STK3: variants seen among roughly 807,000 people sequenced by gnomAD.
The protein encoded by STK3 is serine/threonine-protein kinase 3.
STK3 carries 41 observed loss-of-function variants against 58.0 expected under a neutral mutation model. That is an observed-to-expected ratio of 0.71 (90% CI 0.55 to 0.92). The LOEUF is 0.92. STK3 is among the 40% of genes least tolerant of loss of function. The probability of loss-of-function intolerance (pLI) is 0.00; values close to 1 mark genes in which losing one functional copy is unlikely to be tolerated. For synonymous variants in STK3, 170 were observed against 191.0 expected (o/e 0.89, Z 0.91); for missense variants, 479 against 602.7 (o/e 0.79, Z 2.15).
chr8:98,906,416 T>TTGTTCAGTAGTAGTTCTG (rs1352410502), intron 1 of STK3: 2 of 152,276 alleles, frequency 1.3e-5, no homozygotes, highest in African/African-American at 4.8e-5. Flanking sequence ...TAGGACACGC[T>TTGTTCAGTAGTAGTTCTG]TGTTCAGTAG....
intron 6 of STK3, among the ~76,000 whole-genome samples, chr8:98,695,629 T>C (rs983704658): frequency 2.6e-5 from 4 of 152,248 alleles, no homozygotes; most frequent in African/African-American, 9.6e-5. Context: ...CTTGTTTTTC[T>C]CAGGTTTCTC....
chr8:98,730,732 A>G (rs944012089), intron 4 of STK3, among the ~76,000 whole-genome samples: 1 of 151,776 alleles, frequency 6.6e-6, no homozygotes, highest in Non-Finnish European at 1.5e-5. Flanking sequence ...AAAAAAAAAA[A>G]AAAAAACACC....
At chr8:98,734,786 T>G (rs1455136626) in intron 4 of STK3, among the ~76,000 whole-genome samples, 1 of 151,868 alleles carries the variant, frequency 6.6e-6, no homozygotes, top group South Asian at 2.1e-4. Flanking sequence ...ACCACAAATA[T>G]ACTAAAGTTT....
intron 6 of STK3, chr8:98,598,801 T>C (rs1045928790): frequency 3.0e-6 from 3 of 985,286 alleles, no homozygotes; most frequent in African/African-American, 1.7e-5. Flanking sequence ...TATCCTTGTG[T>C]TTGTTTCTAC....
intron 1 of STK3, among the ~76,000 whole-genome samples, chr8:98,924,139 C>A (rs191113769): frequency 6.6e-6 from 1 of 152,150 alleles, no homozygotes; most frequent in Admixed American, 6.5e-5. Flanking sequence ...CGTTTTTGTC[C>A]CTGAAAATTT....
At chr8:98,774,076 G>A (rs912139775) in intron 2 of STK3, among the ~76,000 whole-genome samples, 3 of 152,058 alleles carry the variant, frequency 2.0e-5, no homozygotes, top group Admixed American at 2.0e-4. Flanking sequence ...AATTACAGGC[G>A]TGAGCCACCG....
chr8:98,513,783 T>A (rs1824711717), intron 10 of STK3, among the ~76,000 whole-genome samples: 1 of 152,126 alleles, frequency 6.6e-6, no homozygotes, highest in African/African-American at 2.4e-5. Flanking sequence ...ATGGCTCATA[T>A]GAGAGAACCA....
At chr8:98,828,157 G>A (rs992857508), upstream of STK3, among the ~76,000 whole-genome samples, 1 of 151,778 alleles carries the variant, frequency 6.6e-6, no homozygotes, top group South Asian at 2.1e-4. Context: ...CGTGTTTTTA[G>A]TAGAGACAGG....
intron 8 of STK3, among the ~76,000 whole-genome samples, chr8:98,557,461 T>C (rs1036519101): frequency 1.6e-4 from 24 of 152,234 alleles, no homozygotes; most frequent in African/African-American, 5.3e-4. Context: ...CACAAGGTTG[T>C]ACCTGTTTGT....
intron 9 of STK3, among the ~76,000 whole-genome samples, chr8:98,546,256 C>T (rs774109186): frequency 3.3e-5 from 5 of 152,128 alleles, no homozygotes; most frequent in Admixed American, 6.6e-5. Flanking sequence ...CTAAAAGTCA[C>T]TATACAAAAT....
At chr8:98,595,452 C>T (rs1276604638) in intron 7 of STK3, 2 of 151,968 alleles carry the variant, frequency 1.3e-5, no homozygotes, top group Non-Finnish European at 2.9e-5. Flanking sequence ...GTGAGACATA[C>T]TTATTATTAG....
chr8:98,699,163 A>C lies in STK3; in HGVS notation c.684+7304T>G, dbSNP rs940155995. Reference sequence around the variant, plus strand: ...TTCCAGTTGATCGCATCGGCTCCTGAGGCTTCTGCATTCTTCACGTAGTTC... The same window carrying C: ...TTCCAGTTGATCGCATCGGCTCCTGCGGCTTCTGCATTCTTCACGTAGTTC... On this transcript the variant is annotated intron_variant, in intron 6 of 10. Coordinates refer to ENST00000419617, the MANE Select transcript of STK3 (RefSeq NM_006281.4). 1.2e-4 allele frequency among the ~76,000 whole-genome samples: 18 copies of C among 152,136 alleles called. No homozygotes were observed. The South Asian group carries it at 3.5e-3, about 30-fold the overall frequency.
intron 3 of STK3, among the ~76,000 whole-genome samples, chr8:98,858,203 G>A (rs1189283223): frequency 6.7e-6 from 1 of 149,284 alleles, no homozygotes; most frequent in Non-Finnish European, 1.5e-5. Flanking sequence ...CCAACATGAC[G>A]AAACCCAGTG....
chr8:98,838,290 A>AT (rs1835824251), intron 3 of STK3, among the ~76,000 whole-genome samples: 1 of 151,982 alleles, frequency 6.6e-6, no homozygotes, highest in Non-Finnish European at 1.5e-5. Flanking sequence ...CTATAAACTA[A>AT]TGTTTCTTGC....
At chr8:98,737,194 A>G (rs1383071660) in intron 4 of STK3, among the ~76,000 whole-genome samples, 1 of 152,196 alleles carries the variant, frequency 6.6e-6, no homozygotes, top group Non-Finnish European at 1.5e-5. Context: ...TTACATCCAC[A>G]GATCATACAT....
At position 98,596,173 on chromosome 8, in the gene STK3, G is replaced by C. The variant is rs1463131497; in HGVS notation, c.685-4C>G. ...TTGTGGGAATCATAAAAATAGCCTA[G>C]TACAAATGAAATATCCAAAAGACAG... On this transcript the variant is annotated splice_polypyrimidine_tract_variant and splice_region_variant and intron_variant, in intron 6 of 10. Transcript: ENST00000419617. The C allele has an allele frequency of 1.2e-6, 2 of 1,610,090 alleles. No homozygotes were observed. The highest frequency in any genetic ancestry group is 3.4e-5 in the Admixed American group (2 of 59,548).
At chr8:98,657,285 G>A (rs1821624817) in intron 6 of STK3, among the ~76,000 whole-genome samples, 1 of 152,014 alleles carries the variant, frequency 6.6e-6, no homozygotes, top group Non-Finnish European at 1.5e-5. Flanking sequence ...AACCCTTCGA[G>A]ATAGTTACTA....
intron 8 of STK3, among the ~76,000 whole-genome samples, chr8:98,576,008 T>G (rs1586903579): frequency 6.6e-6 from 1 of 152,230 alleles, no homozygotes. Flanking sequence ...ATAAGAGTTT[T>G]AAAGTTTTAG....
At chr8:98,602,364 C>T (rs1816418702) in intron 6 of STK3, 1 of 152,242 alleles carries the variant, frequency 6.6e-6, no homozygotes, top group South Asian at 2.1e-4. Context: ...ACAGAACCAT[C>T]TAATCCCTTC....
Sources: gnomAD v4.1 joint callset for allele counts (sites outside exome capture counted in the v4.1 genomes callset) on GRCh38, gnomAD v4.1.1 for gene constraint, MANE v1.5 for transcripts, NCBI Gene and HGNC (gene_info 2026-07-23, HGNC 2026-07-21) for gene names.